CLIP2: variants seen among roughly 807,000 people sequenced by gnomAD.
CLIP2 encodes the protein CAP-Gly domain-containing linker protein 2.
CLIP2 carries 41 observed loss-of-function variants against 111.7 expected under a neutral mutation model. That is an observed-to-expected ratio of 0.37 (90% CI 0.29 to 0.48). The LOEUF (loss-of-function observed/expected upper bound fraction) is 0.48. Ranked by LOEUF, CLIP2 falls within the 20% of genes least tolerant of loss-of-function variation. The pLI, the probability that CLIP2 is intolerant of heterozygous loss-of-function variation, is 0.99. For synonymous variants in CLIP2, 660 were observed against 644.2 expected (o/e 1.02, Z -0.37); for missense variants, 1,160 against 1,422.1 (o/e 0.82, Z 2.96).
intron 8 of CLIP2, among the ~76,000 whole-genome samples, chr7:74,368,307 G>A (rs1464664105): frequency 1.3e-5 from 2 of 152,040 alleles, no homozygotes; most frequent in African/African-American, 4.8e-5. Context: ...CATGAGGTCA[G>A]GACTTTGAGA....
chr7:74,390,422 C>T (rs1554315701), intron 13 of CLIP2, among the ~76,000 whole-genome samples: 1 of 152,112 alleles, frequency 6.6e-6, no homozygotes, highest in African/African-American at 2.4e-5. Flanking sequence ...GTAATCCCAG[C>T]ACTTTAGAAG....
At chr7:74,307,175 C>G (rs2116476004) in intron 1 of CLIP2, among the ~76,000 whole-genome samples, 1 of 152,344 alleles carries the variant, frequency 6.6e-6, no homozygotes, top group African/African-American at 2.4e-5. Context: ...CCGGGCCTGA[C>G]TGAATGCCGC....
chr7:74,348,870 G>A (rs782374467), intron 3 of CLIP2, among the ~76,000 whole-genome samples: 9 of 151,816 alleles, frequency 5.9e-5, no homozygotes, highest in Non-Finnish European at 1.3e-4. Context: ...AAGTAGGTCA[G>A]GCGTGATGGC....
rs954800286 is a variant in CLIP2 at position 74,315,999 on chromosome 7, C to T, written c.-67-1481C>T. 4.0e-5 allele frequency among the ~76,000 whole-genome samples: 6 copies of T among 151,342 alleles called. No homozygotes were observed. In the South Asian group the frequency reaches 1.3e-3, roughly 32 times the overall value. The stretch of plus-strand genomic sequence containing the variant: ...CAACCCATCACCTAGGTATTAAGCC[C>T]AGCATGCATCAGCTATTTTTCCTGA... On this transcript the variant is annotated intron_variant, in intron 1 of 16. Transcript: ENST00000223398.
At position 74,327,882 on chromosome 7, in the gene CLIP2, C is replaced by T. The variant is rs537534285; in HGVS notation, c.121+10215C>T. On this transcript the variant is annotated intron_variant, in intron 2 of 16. Transcript: ENST00000223398. ...TCTGTTCTTTCCAGGGTAAGCCATC[C>T]GGGCCGCTCTTGCCCTGGGTTCCCC... 2.6e-5 allele frequency among the ~76,000 whole-genome samples: 4 copies of T among 152,296 alleles called. No homozygotes were observed. In the South Asian group the frequency reaches 6.2e-4, roughly 24 times the overall value.
intron 2 of CLIP2, among the ~76,000 whole-genome samples, chr7:74,321,035 T>G (rs1554729958): frequency 6.6e-6 from 1 of 152,138 alleles, no homozygotes; most frequent in Non-Finnish European, 1.5e-5. Context: ...CTGGCTGTGA[T>G]CCAGCTCTCA....
At chr7:74,357,199 G>A in intron 5 of CLIP2, 81 bp from the exon 6 acceptor site, 2 of 1,297,624 alleles carry the variant, frequency 1.5e-6, no homozygotes, top group Non-Finnish European at 2.2e-6. Context: ...CTATGTTGCT[G>A]TAGATTAGGC....
rs188330568 is a variant in CLIP2 at position 74,313,131 on chromosome 7, C to T, written c.-67-4349C>T. Among the ~76,000 whole-genome samples, 267 of 151,500 alleles carry T rather than the reference C, an allele frequency of 1.8e-3. 1 individual carries two copies. The highest frequency in any genetic ancestry group is 6.2e-3 in the African/African-American group (254 of 41,290). On this transcript the variant is annotated intron_variant, in intron 1 of 16. Coordinates refer to ENST00000223398, the MANE Select transcript of CLIP2 (RefSeq NM_003388.5). ...AGGAGTTTGGGACCAGCCTGGGCAACATAGTGAGACCCTGTCTCTACAAAA... is the reference window on the plus strand; with the variant it reads ...AGGAGTTTGGGACCAGCCTGGGCAATATAGTGAGACCCTGTCTCTACAAAA...
intron 3 of CLIP2, among the ~76,000 whole-genome samples, chr7:74,349,196 G>A (rs903812126): frequency 3.3e-4 from 50 of 151,892 alleles, no homozygotes; most frequent in African/African-American, 1.2e-3. Context: ...ACTTTGGGAG[G>A]CCAAGGCGGG....
intron 2 of CLIP2, among the ~76,000 whole-genome samples, chr7:74,333,012 G>A (rs1460083537): frequency 6.6e-6 from 1 of 152,176 alleles, no homozygotes; most frequent in Non-Finnish European, 1.5e-5. Context: ...TCATCTGGGC[G>A]CCCTTTTTAT....
At chr7:74,364,996 TG>T (rs1458282042) in intron 8 of CLIP2, 8 of 14,784 alleles carry the variant, frequency 5.4e-4, no homozygotes, top group Non-Finnish European at 8.9e-4. Context: ...TTTTTTGTTG[TG>T]TGTGTGTGTG....
intron 13 of CLIP2, among the ~76,000 whole-genome samples, chr7:74,396,010 C>T (rs1791436790): frequency 6.6e-6 from 1 of 152,192 alleles, no homozygotes; most frequent in Admixed American, 6.6e-5. Flanking sequence ...CAGATTTCCA[C>T]TGTTCTCTAC....
intron 3 of CLIP2, among the ~76,000 whole-genome samples, chr7:74,347,794 T>G (rs1789845962): frequency 1.3e-5 from 2 of 152,166 alleles, no homozygotes; most frequent in African/African-American, 4.8e-5. Flanking sequence ...GTATAAATAT[T>G]CAGCTCTGGG....
chr7:74,304,869 C>T (rs1554727490), intron 1 of CLIP2, among the ~76,000 whole-genome samples: 2 of 152,036 alleles, frequency 1.3e-5, no homozygotes, highest in African/African-American at 4.8e-5. Context: ...CACTTGAGCC[C>T]AGGAGTTCAA....
Position 74,294,570 on chromosome 7 carries a change from G to A in CLIP2, c.-68+4836G>A, listed in dbSNP as rs574952571. Among the ~76,000 whole-genome samples the A allele has an allele frequency of 6.1e-4, 93 of 152,158 alleles. 1 individual carries two copies. In the South Asian group the frequency reaches 0.013, roughly 21 times the overall value. On this transcript the variant is annotated intron_variant, in intron 1 of 16. Transcript: ENST00000223398. ...CTTGGGATGAGAGGGCGGAATTTCCGGCTCACCAGGAGGAGCGCCTGGTTT... is the reference window on the plus strand; with the variant it reads ...CTTGGGATGAGAGGGCGGAATTTCCAGCTCACCAGGAGGAGCGCCTGGTTT...
At chr7:74,371,355 T>C (rs1455963472) in intron 8 of CLIP2, among the ~76,000 whole-genome samples, 2 of 151,214 alleles carry the variant, frequency 1.3e-5, no homozygotes, top group Non-Finnish European at 2.9e-5. Context: ...CTGTGCGGGC[T>C]ACCAGTTCAG....
chr7:74,387,194 T>C (rs1791135398), intron 12 of CLIP2, among the ~76,000 whole-genome samples: 1 of 151,992 alleles, frequency 6.6e-6, no homozygotes, highest in African/African-American at 2.4e-5. Context: ...ATCCATTCTA[T>C]CCCAGGTTCC....
At chr7:74,387,461 G>T (rs1469339724) in intron 12 of CLIP2, among the ~76,000 whole-genome samples, 1 of 152,128 alleles carries the variant, frequency 6.6e-6, no homozygotes, top group African/African-American at 2.4e-5. Flanking sequence ...ATGTTGGCCA[G>T]GCTGGTCTCC....
At chr7:74,396,404 A>T (rs80060097) in intron 13 of CLIP2, among the ~76,000 whole-genome samples, 5,535 of 152,242 alleles carry the variant, frequency 0.036, 128 homozygotes, top group Non-Finnish European at 0.053. Context: ...TCTATTTTTT[A>T]AAAATAGATA....
Sources: gnomAD v4.1 joint callset for allele counts (sites outside exome capture counted in the v4.1 genomes callset) on GRCh38, gnomAD v4.1.1 for gene constraint, MANE v1.5 for transcripts, NCBI Gene and HGNC (gene_info 2026-07-23, HGNC 2026-07-21) for gene names.